Variants in DHRS7C observed in about 807,000 individuals in gnomAD.
DHRS7C encodes the protein dehydrogenase/reductase 7C.
DHRS7C carries 28 observed loss-of-function variants against 29.6 expected under a neutral mutation model. The observed-to-expected ratio is 0.95, with a 90% confidence interval of 0.70 to 1.30. The LOEUF (loss-of-function observed/expected upper bound fraction) is 1.30. DHRS7C is among the 50% of genes most tolerant of loss of function. The pLI, the probability that DHRS7C is intolerant of heterozygous loss-of-function variation, is 0.00. For synonymous variants in DHRS7C, 158 were observed against 160.2 expected, an observed-to-expected ratio of 0.99 and a Z score of 0.10; for missense variants, 403 against 393.3, an observed-to-expected ratio of 1.02 and a Z score of -0.21.
chr17:9,788,710 T>G (rs2066438177), intron 1 of DHRS7C, among the ~76,000 whole-genome samples: 1 of 152,118 alleles, frequency 6.6e-6, no homozygotes, highest in African/African-American at 2.4e-5. Context: ...GGCACCAGGG[T>G]GTGCAGCGGC....
chr17:9,786,386 A>G (rs1414300860), intron 1 of DHRS7C, among the ~76,000 whole-genome samples: 1 of 145,852 alleles, frequency 6.9e-6, no homozygotes, highest in African/African-American at 2.5e-5. Flanking sequence ...AAAGTCAGGA[A>G]CCGCCTGATT....
intron 1 of DHRS7C, among the ~76,000 whole-genome samples, chr17:9,790,703 G>A (rs576662017): frequency 2.0e-5 from 3 of 152,254 alleles, no homozygotes; most frequent in South Asian, 2.1e-4. Context: ...TGTTATCCTC[G>A]CCTTACAGAT....
rs755628739 is a variant in DHRS7C at position 9,780,051 on chromosome 17, G to C, written c.268-16C>G. On this transcript the variant is annotated splice_polypyrimidine_tract_variant and intron_variant, in intron 2 of 5. Transcript: ENST00000571134. ...GGGTGAATGTCTGCTGAACCAATGAGAGAGTCAGGGTATGTGTGAGATCTC... is the reference window on the plus strand; with the variant it reads ...GGGTGAATGTCTGCTGAACCAATGACAGAGTCAGGGTATGTGTGAGATCTC... The C allele has an allele frequency of 5.0e-6, 8 of 1,611,040 alleles. No homozygotes were observed. The highest frequency in any genetic ancestry group is 5.9e-6 in the Non-Finnish European group (7 of 1,178,776).
At position 9,771,673 on chromosome 17, in the gene DHRS7C, C is replaced by A. The variant is rs764829676; in HGVS notation, c.751G>T (p.Gly251Cys). 6.6e-7 allele frequency: 1 copy of A among 1,522,960 alleles called. No individual in the cohort carries two copies. The highest frequency in any genetic ancestry group is 8.8e-7 in the Non-Finnish European group (1 of 1,130,530). The allele number at this position is 1,522,960 out of a possible 1,614,324, so 94.3% of individuals were successfully genotyped here. A position where few individuals can be genotyped will look rare whatever the true frequency, so the allele number is the denominator to read the frequency against. Residue 251 changes from glycine (G) to cysteine (C), a missense_variant, in exon 6 of 6, where the codon GGC (glycine) becomes TGC (cysteine). Transcript: ENST00000571134. ...WKFFFRKLTYGVHPVEVAEEV... is the reference protein window; with the variant it reads ...WKFFFRKLTYCVHPVEVAEEV... ...TCCGCCACCTCTACTGGGTGCACGC[C>A]GTAGGTCAGCTTCCTGAAAAAGACT...
intron 1 of DHRS7C, among the ~76,000 whole-genome samples, chr17:9,783,570 A>G (rs1266879725): frequency 6.6e-6 from 1 of 152,242 alleles, no homozygotes; most frequent in African/African-American, 2.4e-5. Context: ...TAGCAGTTCA[A>G]GTCTAGATAG....
chr17:9,777,705 A>T (rs1432859101), intron 3 of DHRS7C, among the ~76,000 whole-genome samples: 1 of 152,136 alleles, frequency 6.6e-6, no homozygotes. Flanking sequence ...TAAGAACATC[A>T]TTCCCGTTTC....
intron 4 of DHRS7C, among the ~76,000 whole-genome samples, chr17:9,773,273 A>T (rs1297642952): frequency 6.6e-6 from 1 of 152,006 alleles, no homozygotes; most frequent in African/African-American, 2.4e-5. Context: ...ATGCCGGCAC[A>T]AACATGAATT....
intron 3 of DHRS7C, among the ~76,000 whole-genome samples, chr17:9,777,634 T>C (rs2066370053): frequency 6.6e-6 from 1 of 152,068 alleles, no homozygotes; most frequent in South Asian, 2.1e-4. Flanking sequence ...CACATGGGCA[T>C]ATTGCACTCA....
At position 9,772,349 on chromosome 17, in the gene DHRS7C, C is replaced by T. The variant is rs1273595060; in HGVS notation, c.727+418G>A. On this transcript the variant is annotated intron_variant, in intron 5 of 5. Transcript: ENST00000571134. ...TTAAGGGATTTGCTCATATCCAACCCTCTAATACATGGCAGAGGCCGGCTT... is the reference window on the plus strand; with the variant it reads ...TTAAGGGATTTGCTCATATCCAACCTTCTAATACATGGCAGAGGCCGGCTT... Among the ~76,000 whole-genome samples the T allele has an allele frequency of 2.0e-5, 3 of 152,188 alleles. No homozygotes were observed. The East Asian group carries it at 5.8e-4, about 29-fold the overall frequency.
At chr17:9,785,349 G>C (rs866988468) in intron 1 of DHRS7C, 1 of 152,282 alleles carries the variant, frequency 6.6e-6, no homozygotes, top group African/African-American at 2.4e-5. Context: ...ACAGTTCCCC[G>C]CAGCCAGGAG....
chr17:9,772,014 G>T (rs1042953833), intron 5 of DHRS7C, among the ~76,000 whole-genome samples: 17 of 152,174 alleles, frequency 1.1e-4, no homozygotes, highest in African/African-American at 4.1e-4. Context: ...AGGGACTGTT[G>T]TTTGTAACTG....
chr17:9,775,200 G>A lies in DHRS7C; in HGVS notation c.571+1993C>T, dbSNP rs558035403. Among the ~76,000 whole-genome samples the A allele has an allele frequency of 6.6e-6, 1 of 152,340 alleles. No homozygotes were observed. The highest frequency in any genetic ancestry group is 6.5e-5 in the Admixed American group (1 of 15,298). Reference sequence around the variant, plus strand: ...GAAGATGAAAAGTCACCCAGCTGCTGAAAATAACAGACAGAAAGTTTAAAA... The same window carrying A: ...GAAGATGAAAAGTCACCCAGCTGCTAAAAATAACAGACAGAAAGTTTAAAA... On this transcript the variant is annotated intron_variant, in intron 4 of 5. Transcript: ENST00000571134. This position sits in a 1 kb window ranked among gnomAD's most constrained non-coding sequence, Gnocchi z 4.2.
At position 9,780,028 on chromosome 17, in the gene DHRS7C, G is replaced by A. The variant is rs1415605810; in HGVS notation, c.275C>T (p.Thr92Ile). ...ISVADPSKTF[T>I]PKLVLLDLSD... is the part of the protein sequence containing the mutation. ...GAGGTCCAACAGGACCAGCTTTGGG[G>A]TGAATGTCTGCTGAACCAATGAGAG... The change falls in exon 3 of 6, where the codon ACC becomes ATC. Residue 92 changes from threonine (T) to isoleucine (I), a missense_variant. By Grantham distance (89) the Thr-to-Ile change is moderately conservative. Transcript: ENST00000571134. 1 of 1,613,508 alleles carries A rather than the reference G, an allele frequency of 6.2e-7. No homozygotes were observed. The highest frequency in any genetic ancestry group is 8.5e-7 in the Non-Finnish European group (1 of 1,179,766).
chr17:9,773,583 G>A (rs2066344017), intron 4 of DHRS7C, among the ~76,000 whole-genome samples: 1 of 152,130 alleles, frequency 6.6e-6, no homozygotes, highest in Admixed American at 6.5e-5. Context: ...TTTTAGGGGT[G>A]TCAGTCAGAG....
chr17:9,778,518 C>A (rs183999105), intron 3 of DHRS7C, among the ~76,000 whole-genome samples: 22 of 152,270 alleles, frequency 1.4e-4, no homozygotes, highest in Admixed American at 1.4e-3. Flanking sequence ...GAAACCAGTT[C>A]TGGCCCTTTT....
In DHRS7C at chr17:9,780,043, A is replaced by G; in HGVS notation, c.268-8T>C. On this transcript the variant is annotated splice_region_variant and splice_polypyrimidine_tract_variant and intron_variant, in intron 2 of 5. Transcript: ENST00000571134. ...CAGCTTTGGGGTGAATGTCTGCTGA[A>G]CCAATGAGAGAGTCAGGGTATGTGT... 1 of 1,612,658 alleles carries G rather than the reference A, an allele frequency of 6.2e-7. No homozygotes were observed. Among genetic ancestry groups the G allele is most frequent in the Non-Finnish European group, 8.5e-7 (1 of 1,179,484 alleles).
At chr17:9,782,496 T>C (rs761451066) in intron 1 of DHRS7C, among the ~76,000 whole-genome samples, 13 of 152,172 alleles carry the variant, frequency 8.5e-5, no homozygotes, top group Non-Finnish European at 1.3e-4. Context: ...ATTGCAGAGC[T>C]GGAGGCAAGA....
chr17:9,780,460 A>C (rs1339589141), intron 2 of DHRS7C, among the ~76,000 whole-genome samples: 1 of 152,196 alleles, frequency 6.6e-6, no homozygotes, highest in Non-Finnish European at 1.5e-5. Context: ...AGTACTTAAT[A>C]GCCATATTTT....
chr17:9,772,400 C>T (rs772003232), intron 5 of DHRS7C, among the ~76,000 whole-genome samples: 4 of 152,218 alleles, frequency 2.6e-5, no homozygotes, highest in African/African-American at 4.8e-5. Context: ...TGGCTTTAGA[C>T]TCTCGGCCTC....
Sources: gnomAD v4.1 joint callset for allele counts (sites outside exome capture counted in the v4.1 genomes callset) on GRCh38, gnomAD v4.1.1 for gene constraint, Gnocchi (gnomAD v3.1) non-coding constraint, MANE v1.5 for transcripts, NCBI Gene and HGNC (gene_info 2026-07-23, HGNC 2026-07-21) for gene names.